B4GALNT3: variants seen among roughly 807,000 people sequenced by gnomAD.
B4GALNT3 encodes the protein beta-1,4-N-acetylgalactosaminyltransferase 3.
A neutral mutation model predicts 120.2 loss-of-function variants in B4GALNT3; 86 were observed. The observed-to-expected ratio is 0.72, with a 90% confidence interval of 0.60 to 0.86. The LOEUF is 0.86. Among genes scored for constraint, B4GALNT3 ranks in the 40% least tolerant of loss-of-function variants. The pLI is 0.00. For synonymous variants in B4GALNT3, 518 were observed against 510.4 expected, an observed-to-expected ratio of 1.01 and a Z score of -0.20; for missense variants, 1,167 against 1,298.9, an observed-to-expected ratio of 0.90 and a Z score of 1.56.
intron 1 of B4GALNT3, among the ~76,000 whole-genome samples, chr12:504,468 C>CT (rs1043071395): frequency 2.7e-5 from 4 of 146,260 alleles, no homozygotes; most frequent in Admixed American, 2.7e-4. Context: ...CCCCCGAACT[C>CT]TTTTTTTCTG....
rs183864801 is a variant in B4GALNT3, at chr12:503,943, C to T, written c.170-31223C>T. The stretch of plus-strand genomic sequence containing the variant: ...CAGCCTGACCAACATGGTGAAACCC[C>T]GTCTCTACCAAAAATACAAGAATTA... On this transcript the variant is annotated intron_variant, in intron 1 of 19. Coordinates refer to ENST00000266383, the MANE Select transcript of B4GALNT3 (RefSeq NM_173593.4). 5.0e-3 allele frequency among the ~76,000 whole-genome samples: 753 copies of T among 152,084 alleles called. 6 individuals carry two copies. The highest frequency in any genetic ancestry group is 0.017 in the African/African-American group (722 of 41,482).
rs182417902 is a variant in B4GALNT3 at position 557,776 on chromosome 12, C to A, written c.2534+15C>A. 3.6e-3 allele frequency: 5,778 copies of A among 1,595,680 alleles called. 30 individuals carry two copies. The highest frequency in any genetic ancestry group is 8.1e-3 in the South Asian group (723 of 88,824). On this transcript the variant is annotated intron_variant, in intron 16 of 19. Coordinates refer to ENST00000266383, the MANE Select transcript of B4GALNT3 (RefSeq NM_173593.4). ...AAGCTGCGGAGGTGAGGGGGACCACCAGCCAGGGGGTGGCATGGGCCACGT... is the reference window on the plus strand; with the variant it reads ...AAGCTGCGGAGGTGAGGGGGACCACAAGCCAGGGGGTGGCATGGGCCACGT...
intron 7 of B4GALNT3, among the ~76,000 whole-genome samples, chr12:547,470 G>C (rs1418087695): frequency 1.3e-5 from 2 of 152,112 alleles, no homozygotes; most frequent in African/African-American, 4.8e-5. Flanking sequence ...TATGCACAAG[G>C]GTTACGTATC....
intron 1 of B4GALNT3, among the ~76,000 whole-genome samples, chr12:531,258 G>A (rs1374143721): frequency 2.0e-5 from 3 of 151,604 alleles, no homozygotes; most frequent in African/African-American, 7.3e-5. Context: ...AGGGTGGGGG[G>A]CAAAGAGCAA....
Position 546,649 on chromosome 12 carries a change from G to A in B4GALNT3, c.643G>A (p.Gly215Arg), listed in dbSNP as rs892377047. Residue 215 changes from glycine to arginine, a missense_variant, in exon 7 of 20, where the codon GGA becomes AGA. Coordinates refer to ENST00000266383, the MANE Select transcript of B4GALNT3 (RefSeq NM_173593.4). ...CTTCTCTCTTCCACACCTCTAGACT[G>A]GAAAGGAGTGGACCGCCCCGGGAGA... The part of the protein sequence containing the change: ...LQLLASVGKT[G>R]KEWTAPGEFG... 3 of 1,551,268 alleles carry A rather than the reference G, an allele frequency of 1.9e-6. No individual in the cohort carries two copies. Among genetic ancestry groups the A allele is most frequent in the African/African-American group, 2.7e-5 (2 of 73,010 alleles).
At chr12:462,645 C>T (rs1946032724) in intron 1 of B4GALNT3, among the ~76,000 whole-genome samples, 2 of 152,118 alleles carry the variant, frequency 1.3e-5, no homozygotes, top group African/African-American at 4.8e-5. Context: ...AGGCTAAGCT[C>T]ACACACTGAT....
At chr12:524,593 A>C (rs1946743724) in intron 1 of B4GALNT3, among the ~76,000 whole-genome samples, 1 of 151,692 alleles carries the variant, frequency 6.6e-6, no homozygotes, top group Admixed American at 6.6e-5. Flanking sequence ...TTGCTTTTGC[A>C]TTCAACAAAC....
In B4GALNT3 at chr12:460,385, C is replaced by G; in HGVS notation, c.9C>G (p.Ser3Arg). The G allele has an allele frequency of 6.9e-7, 1 of 1,452,274 alleles. No homozygotes were observed. The highest frequency in any genetic ancestry group is 9.1e-7 in the Non-Finnish European group (1 of 1,102,340). The allele number at this position is 1,452,274 out of a possible 1,614,324, so 90.0% of individuals were successfully genotyped here. A position where few individuals can be genotyped will look rare whatever the true frequency, so the allele number is the denominator to read the frequency against. MG[S>R]PRAARPPLLL... ...CGCCTCGGCGCAGCGCCATGGGGAGCCCCCGGGCCGCGCGGCCCCCGCTGC... is the reference window on the plus strand; with the variant it reads ...CGCCTCGGCGCAGCGCCATGGGGAGGCCCCGGGCCGCGCGGCCCCCGCTGC... Residue 3 changes from serine to arginine, a missense_variant, in exon 1 of 20, where the codon AGC becomes AGG. Physicochemically the swap from Ser to Arg is moderately radical, Grantham distance 110. Transcript: ENST00000266383. This position sits in a 1 kb window ranked among gnomAD's most constrained non-coding sequence, Gnocchi z 8.0.
At chr12:487,757 C>T (rs895743689) in intron 1 of B4GALNT3, among the ~76,000 whole-genome samples, 1 of 149,390 alleles carries the variant, frequency 6.7e-6, no homozygotes, top group East Asian at 1.9e-4. Flanking sequence ...CCAAGAAGAA[C>T]AGCCTGGGAA....
chr12:498,647 A>C (rs1946411438), intron 1 of B4GALNT3, among the ~76,000 whole-genome samples: 1 of 152,202 alleles, frequency 6.6e-6, no homozygotes, highest in Non-Finnish European at 1.5e-5. Flanking sequence ...TGGAATGACA[A>C]GCTGAGAAAA....
rs115574729 is a variant in B4GALNT3 at position 523,151 on chromosome 12, T to C, written c.170-12015T>C. On this transcript the variant is annotated intron_variant, in intron 1 of 19. Coordinates refer to ENST00000266383, the MANE Select transcript of B4GALNT3 (RefSeq NM_173593.4). ...GGGTGCTGGGGCAGTCTTCAGCTGG[T>C]TGTTAATTTATCAATGTCAGGGCCA... Among the ~76,000 whole-genome samples, 226 of 152,208 alleles carry C rather than the reference T, an allele frequency of 1.5e-3. 1 individual carries two copies. Among genetic ancestry groups the C allele is most frequent in the African/African-American group, 5.3e-3 (219 of 41,500 alleles).
chr12:511,303 T>TTCCACCTTCTTCCACCTTCGAGCA, intron 1 of B4GALNT3, among the ~76,000 whole-genome samples: 3 of 122,718 alleles, frequency 2.4e-5, no homozygotes. Flanking sequence ...ACCTTCCACC[T>TTCCACCTTCTTCCACCTTCGAGCA]TCCACCTTCC....
In B4GALNT3 at chr12:537,532, C is replaced by T. The variant is rs141401871; in HGVS notation, c.351+1237C>T. Reference sequence around the variant, plus strand: ...TTGGCCTCCCAAAGTGCTGAGATTACAGGCATGAACCACCATACTTGGCCC... The same window carrying T: ...TTGGCCTCCCAAAGTGCTGAGATTATAGGCATGAACCACCATACTTGGCCC... On this transcript the variant is annotated intron_variant, in intron 3 of 19. Transcript: ENST00000266383. 1.4e-3 allele frequency among the ~76,000 whole-genome samples: 210 copies of T among 152,340 alleles called. 1 individual carries two copies. The highest frequency in any genetic ancestry group is 7.5e-3 in the East Asian group (39 of 5,188).
intron 1 of B4GALNT3, among the ~76,000 whole-genome samples, chr12:479,218 T>G (rs1413097484): frequency 1.3e-5 from 2 of 152,106 alleles, no homozygotes; most frequent in African/African-American, 4.8e-5. Flanking sequence ...TTTTTTTTAT[T>G]ATTATTTAAA....
Position 536,227 on chromosome 12 carries a change from A to G in B4GALNT3, c.283A>G (p.Ile95Val). 6 of 1,613,918 alleles carry G rather than the reference A, an allele frequency of 3.7e-6. No individual in the cohort carries two copies. Among genetic ancestry groups the G allele is most frequent in the Non-Finnish European group, 5.1e-6 (6 of 1,179,806 alleles). Residue 95 changes from isoleucine (I) to valine (V), a missense_variant, in exon 3 of 20, where the codon ATT (isoleucine) becomes GTT (valine). Physicochemically the swap from Ile to Val is conservative, Grantham distance 29 (BLOSUM62 3). Coordinates refer to ENST00000266383, the MANE Select transcript of B4GALNT3 (RefSeq NM_173593.4). ...PQRLSLEDHD[I>V]DQGVSSNSSY... is the part of the protein sequence containing the mutation. Reference sequence around the variant, plus strand: ...TTCATTCTTCCCCTAGGACCACGACATTGACCAAGGGGTGAGCAGTAACAG... The same window carrying G: ...TTCATTCTTCCCCTAGGACCACGACGTTGACCAAGGGGTGAGCAGTAACAG...
At chr12:530,322 A>G (rs1009629665) in intron 1 of B4GALNT3, among the ~76,000 whole-genome samples, 16 of 152,214 alleles carry the variant, frequency 1.1e-4, no homozygotes, top group African/African-American at 3.6e-4. Flanking sequence ...CTTACGTGAG[A>G]ACTTAGTCTG....
chr12:468,607 C>T (rs1437965846), intron 1 of B4GALNT3, among the ~76,000 whole-genome samples: 1 of 152,156 alleles, frequency 6.6e-6, no homozygotes, highest in Non-Finnish European at 1.5e-5. Flanking sequence ...TGTGGGCACC[C>T]ATCCCTGCAA....
chr12:483,680 A>G (rs897201637), intron 1 of B4GALNT3, among the ~76,000 whole-genome samples: 1 of 152,016 alleles, frequency 6.6e-6, no homozygotes, highest in African/African-American at 2.4e-5. Context: ...CCTGGGCAAC[A>G]TAGTGAGACC....
intron 1 of B4GALNT3, among the ~76,000 whole-genome samples, chr12:512,300 C>T (rs1164545673): frequency 7.8e-6 from 1 of 127,874 alleles, no homozygotes; most frequent in Non-Finnish European, 1.5e-5. Context: ...CCTTCTTCCA[C>T]CTTCCACCTT....
Sources: gnomAD v4.1 joint callset for allele counts (sites outside exome capture counted in the v4.1 genomes callset) on GRCh38, gnomAD v4.1.1 for gene constraint, Gnocchi (gnomAD v3.1) non-coding constraint, MANE v1.5 for transcripts, NCBI Gene and HGNC (gene_info 2026-07-23, HGNC 2026-07-21) for gene names.